XRCC4: variants seen among roughly 807,000 people sequenced by gnomAD.
The protein encoded by XRCC4 is DNA repair protein XRCC4.
In XRCC4, 28 loss-of-function variants were observed where a neutral mutation model predicts 39.1. That is an observed-to-expected ratio of 0.72 (90% CI 0.53 to 0.98). The LOEUF (loss-of-function observed/expected upper bound fraction) is 0.98. XRCC4 is among the 50% of genes least tolerant of loss of function. The pLI, the probability that XRCC4 is intolerant of heterozygous loss-of-function variation, is 0.00. For synonymous variants in XRCC4, 123 were observed against 126.4 expected, an observed-to-expected ratio of 0.97 and a Z score of 0.18; for missense variants, 350 against 376.4, an observed-to-expected ratio of 0.93 and a Z score of 0.58.
At chr5:83,202,392 C>G (rs983577082) in intron 4 of XRCC4, among the ~76,000 whole-genome samples, 1 of 152,162 alleles carries the variant, frequency 6.6e-6, no homozygotes, top group African/African-American at 2.4e-5. Context: ...AAAGACTGTG[C>G]TGTAAGAATT....
At chr5:83,359,122 C>T in the XRCC4 span, among the ~76,000 whole-genome samples, 4 of 152,094 alleles carry the variant, frequency 2.6e-5, no homozygotes, top group African/African-American at 9.7e-5. Context: ...GAATACACAC[C>T]AGGTCTTGCA....
intron 3 of XRCC4, among the ~76,000 whole-genome samples, chr5:83,164,540 T>TATTGTG (rs1749368103): frequency 6.6e-6 from 1 of 152,124 alleles, no homozygotes; most frequent in Admixed American, 6.5e-5. Flanking sequence ...AATAATAGTG[T>TATTGTG]ATTGTGTACA....
intron 7 of XRCC4, among the ~76,000 whole-genome samples, chr5:83,321,229 G>A (rs1437791354): frequency 6.6e-6 from 1 of 152,088 alleles, no homozygotes; most frequent in Non-Finnish European, 1.5e-5. Flanking sequence ...TGACTTTATT[G>A]TTTTGGCATG....
chr5:83,256,981 G>A (rs943661233), intron 6 of XRCC4, among the ~76,000 whole-genome samples: 3 of 151,980 alleles, frequency 2.0e-5, no homozygotes, highest in African/African-American at 7.2e-5. Flanking sequence ...AAAACCCATA[G>A]CAAAGTGCCC....
At chr5:83,121,808 C>G (rs543689082) in intron 3 of XRCC4, among the ~76,000 whole-genome samples, 1 of 151,964 alleles carries the variant, frequency 6.6e-6, no homozygotes, top group Non-Finnish European at 1.5e-5. Context: ...CATGCATGAG[C>G]GCTATAGTTT....
chr5:83,341,751 GCTCAC>G (rs1254997636), intron 7 of XRCC4, among the ~76,000 whole-genome samples: 1 of 152,096 alleles, frequency 6.6e-6, no homozygotes, highest in Admixed American at 6.6e-5. Context: ...TTGACTGCCT[GCTCAC>G]CTATGCTTAC....
chr5:83,166,190 T>G (rs1478385665), intron 3 of XRCC4, among the ~76,000 whole-genome samples: 6 of 152,106 alleles, frequency 3.9e-5, no homozygotes, highest in Non-Finnish European at 8.8e-5. Flanking sequence ...CCCGGCCACA[T>G]TTTTCTTATC....
At chr5:83,084,063 A>C (rs552896155) in intron 1 of XRCC4, among the ~76,000 whole-genome samples, 1 of 151,642 alleles carries the variant, frequency 6.6e-6, no homozygotes, top group Non-Finnish European at 1.5e-5. Context: ...GGGATATCAA[A>C]TCCTGGTACA....
intron 7 of XRCC4, among the ~76,000 whole-genome samples, chr5:83,282,396 G>T (rs933720403): frequency 6.6e-6 from 1 of 152,156 alleles, no homozygotes; most frequent in Non-Finnish European, 1.5e-5. Flanking sequence ...ACTTCTTAAA[G>T]TATAGGATTC....
At chr5:83,310,353 A>T (rs1173599145) in intron 7 of XRCC4, among the ~76,000 whole-genome samples, 3 of 152,230 alleles carry the variant, frequency 2.0e-5, no homozygotes, top group African/African-American at 7.2e-5. Context: ...GATTGGCTCC[A>T]GTGAGAGGTT....
At chr5:83,083,759 T>A (rs1418396881) in intron 1 of XRCC4, among the ~76,000 whole-genome samples, 1 of 152,216 alleles carries the variant, frequency 6.6e-6, no homozygotes, top group African/African-American at 2.4e-5. Flanking sequence ...CTTCCATGTA[T>A]CATGCTATTT....
At chr5:83,240,603 C>A (rs1752870646) in intron 6 of XRCC4, among the ~76,000 whole-genome samples, 1 of 152,050 alleles carries the variant, frequency 6.6e-6, no homozygotes, top group East Asian at 1.9e-4. Context: ...ACATATTGAA[C>A]TCTTACTTTG....
At chr5:83,088,689 C>T (rs936488470) in intron 1 of XRCC4, among the ~76,000 whole-genome samples, 17 of 152,022 alleles carry the variant, frequency 1.1e-4, no homozygotes, top group African/African-American at 3.9e-4. Context: ...TTTTCTAAGA[C>T]ATGTAACATT....
intron 3 of XRCC4, among the ~76,000 whole-genome samples, chr5:83,173,290 C>T (rs916277871): frequency 2.0e-5 from 3 of 152,062 alleles, no homozygotes; most frequent in African/African-American, 4.8e-5. Flanking sequence ...TAATGTTTTA[C>T]GCTGCTACTA....
intron 7 of XRCC4, among the ~76,000 whole-genome samples, chr5:83,329,843 GTAACTGC>G (rs1756383101): frequency 6.6e-6 from 1 of 152,090 alleles, no homozygotes; most frequent in Admixed American, 6.6e-5. Context: ...CTAAAGTGAT[GTAACTGC>G]TAAAGTATTG....
intron 6 of XRCC4, among the ~76,000 whole-genome samples, chr5:83,257,542 T>G (rs1753586979): frequency 6.6e-6 from 1 of 152,136 alleles, no homozygotes; most frequent in African/African-American, 2.4e-5. Context: ...AAACAACAGA[T>G]GCTGGAGTGG....
At chr5:83,174,631 C>G (rs1749872086) in intron 3 of XRCC4, among the ~76,000 whole-genome samples, 1 of 152,154 alleles carries the variant, frequency 6.6e-6, no homozygotes, top group Non-Finnish European at 1.5e-5. Context: ...TGGAGTAATG[C>G]ACAACAGTTG....
At chr5:83,300,909 C>T (rs1755262081) in intron 7 of XRCC4, among the ~76,000 whole-genome samples, 1 of 152,114 alleles carries the variant, frequency 6.6e-6, no homozygotes, top group South Asian at 2.1e-4. Context: ...AGGACATGAA[C>T]TCATTCTTTT....
chr5:83,158,711 T>A (rs1257015982), intron 3 of XRCC4, among the ~76,000 whole-genome samples: 1 of 152,100 alleles, frequency 6.6e-6, no homozygotes, highest in African/African-American at 2.4e-5. Context: ...ACAATTTTAA[T>A]TGTGGGAGGC....
Sources: gnomAD v4.1 joint callset for allele counts (sites outside exome capture counted in the v4.1 genomes callset) on GRCh38, gnomAD v4.1.1 for gene constraint, MANE v1.5 for transcripts, NCBI Gene and HGNC (gene_info 2026-07-23, HGNC 2026-07-21) for gene names.